Variants in LRRN3 observed in about 807,000 individuals in gnomAD.
The protein encoded by LRRN3 is leucine-rich repeat neuronal protein 3.
LRRN3 carries 15 observed loss-of-function variants against 40.1 expected under a neutral mutation model. The observed-to-expected ratio is 0.37, with a 90% CI of 0.25 to 0.58. The LOEUF (loss-of-function observed/expected upper bound fraction) is 0.58, where lower values mean the gene tolerates loss of function less well. LRRN3 is among the 20% of genes least tolerant of loss of function. LRRN3 has a pLI of 0.72. For synonymous variants in LRRN3, 308 were observed against 297.2 expected (o/e 1.04, Z -0.37); for missense variants, 746 against 837.7 (o/e 0.89, Z 1.35).
intron 1 of LRRN3, among the ~76,000 whole-genome samples, chr7:111,095,794 T>G (rs1236479526): frequency 1.3e-5 from 2 of 152,014 alleles, no homozygotes; most frequent in Admixed American, 6.6e-5. Context: ...ATGTGCCCTT[T>G]TTTTATATAC....
intron 2 of LRRN3, among the ~76,000 whole-genome samples, chr7:111,121,182 C>T (rs901141341): frequency 2.0e-5 from 3 of 152,144 alleles, no homozygotes; most frequent in Non-Finnish European, 2.9e-5. Flanking sequence ...ACATATCCTT[C>T]GCCCACTTTT....
rs1017906227 is a variant in LRRN3 at position 111,122,544 on chromosome 7, A to G, written c.-229A>G. The stretch of plus-strand genomic sequence containing the variant: ...CACCTTCAAAAAGTACATCAATATT[A>G]TATCATTAAGGAAATAGTAACCTTC... On this transcript the variant is annotated 5_prime_UTR_variant, in exon 3 of 3. Coordinates refer to ENST00000308478, the MANE Select transcript of LRRN3 (RefSeq NM_001099658.2). 5.8e-6 allele frequency: 3 copies of G among 518,596 alleles called. No homozygotes were observed. The highest frequency in any genetic ancestry group is 5.7e-5 in the South Asian group (2 of 35,322). The allele number at this position is 518,596 out of a possible 1,614,324, so 32.1% of individuals were successfully genotyped here. A position where few individuals can be genotyped will look rare whatever the true frequency, so the allele number is the denominator to read the frequency against.
chr7:111,091,596 C>T (rs1479037008), intron 1 of LRRN3, 92 bp downstream of exon 1: 1 of 152,178 alleles, frequency 6.6e-6, no homozygotes, highest in African/African-American at 2.4e-5. Flanking sequence ...CCTTTGATGT[C>T]TTCTTCTTGT....
chr7:111,111,801 C>T (rs1410179925), intron 2 of LRRN3, among the ~76,000 whole-genome samples: 1 of 151,634 alleles, frequency 6.6e-6, no homozygotes, highest in African/African-American at 2.4e-5. Context: ...AGTTAAGTGA[C>T]TGAACTCCAT....
intron 2 of LRRN3, among the ~76,000 whole-genome samples, chr7:111,104,346 G>A (rs1406058704): frequency 6.6e-6 from 1 of 151,716 alleles, no homozygotes; most frequent in Non-Finnish European, 1.5e-5. Context: ...TTATTGTAGA[G>A]AATGAAACAA....
Position 111,110,945 on chromosome 7 carries a change from T to C in LRRN3, c.-359+10983T>C, listed in dbSNP as rs189571146. On this transcript the variant is annotated intron_variant, in intron 2 of 2. Coordinates refer to ENST00000308478, the MANE Select transcript of LRRN3 (RefSeq NM_001099658.2). ...AATCTAACACTATTCATTTTATCCA[T>C]AAAAATGTATTAAATCCTAACCTGT... 6.0e-3 allele frequency among the ~76,000 whole-genome samples: 907 copies of C among 152,256 alleles called. 7 individuals carry two copies. Among genetic ancestry groups the C allele is most frequent in the Middle Eastern group, 0.027 (8 of 294 alleles).
Position 111,124,652 on chromosome 7 carries a change from C to T in LRRN3, c.1880C>T (p.Thr627Ile). 1 of 1,613,870 alleles carries T rather than the reference C, an allele frequency of 6.2e-7. No individual in the cohort carries two copies. Among genetic ancestry groups the T allele is most frequent in the Non-Finnish European group, 8.5e-7 (1 of 1,179,932 alleles). Reference sequence around the variant, plus strand: ...AAAGAGTATGAAAAGAATAATACCACAACACTTATGGCCTGTCTTGGAGGC... The same window carrying T: ...AAAGAGTATGAAAAGAATAATACCATAACACTTATGGCCTGTCTTGGAGGC... ...DQKEYEKNNT[T>I]TLMACLGGLL... The change falls in exon 3 of 3, where the codon ACA (threonine) becomes ATA (isoleucine). Residue 627 changes from threonine to isoleucine, a missense_variant. By Grantham distance (89) the Thr-to-Ile change is moderately conservative. Transcript: ENST00000308478.
At chr7:111,115,781 C>T (rs1799810693) in intron 2 of LRRN3, among the ~76,000 whole-genome samples, 1 of 152,080 alleles carries the variant, frequency 6.6e-6, no homozygotes, top group South Asian at 2.1e-4. Flanking sequence ...GATTCTCGTG[C>T]CTCAGCCTCC....
At chr7:111,094,073 T>C (rs1319173424) in intron 1 of LRRN3, among the ~76,000 whole-genome samples, 1 of 152,160 alleles carries the variant, frequency 6.6e-6, no homozygotes, top group Non-Finnish European at 1.5e-5. Flanking sequence ...TGTTTCTTTG[T>C]TCTTTCCTTT....
chr7:111,104,584 A>T (rs943618005), intron 2 of LRRN3, among the ~76,000 whole-genome samples: 3 of 149,380 alleles, frequency 2.0e-5, no homozygotes, highest in African/African-American at 7.6e-5. Flanking sequence ...AATCATGCTA[A>T]ATAACAGAAA....
Position 111,099,925 on chromosome 7 carries a change from C to T in LRRN3, c.-396C>T, listed in dbSNP as rs977515279. The T allele has an allele frequency of 6.6e-6, 1 of 151,458 alleles. No individual in the cohort carries two copies. Among genetic ancestry groups the T allele is most frequent in the African/African-American group, 2.4e-5 (1 of 41,304 alleles). 9.4% of individuals were successfully genotyped at this position (151,458 alleles called of 1,614,324 possible). ...AGAGAAAGAAGAGGAAGATGTTGGG[C>T]AACATTTATTTAACATGCTCCACAG... is the stretch of plus-strand genomic sequence containing the variant. On this transcript the variant is annotated 5_prime_UTR_variant, in exon 2 of 3. Coordinates refer to ENST00000308478, the MANE Select transcript of LRRN3 (RefSeq NM_001099658.2).
intron 1 of LRRN3, among the ~76,000 whole-genome samples, chr7:111,098,026 A>G (rs1797588242): frequency 6.6e-6 from 1 of 151,890 alleles, no homozygotes; most frequent in African/African-American, 2.4e-5. Flanking sequence ...GTGCAACAGA[A>G]CAGAATGGAA....
chr7:111,124,161 A>C lies in LRRN3; in HGVS notation c.1389A>C (p.Lys463Asn). ...EIYWITPSGQ[K>N]LLPNTLTDKF... ...ACTGGATAACACCTTCTGGTCAAAAACTCTTGCCTAATACCCTGACAGACA... is the reference window on the plus strand; with the variant it reads ...ACTGGATAACACCTTCTGGTCAAAACCTCTTGCCTAATACCCTGACAGACA... Residue 463 changes from lysine to asparagine, a missense_variant, in exon 3 of 3, where the codon AAA becomes AAC. Lys to Asn is a moderately conservative substitution (Grantham distance 94). Transcript: ENST00000308478. 6.2e-7 allele frequency: 1 copy of C among 1,613,396 alleles called. No individual in the cohort carries two copies. The highest frequency in any genetic ancestry group is 8.5e-7 in the Non-Finnish European group (1 of 1,179,874).
intron 2 of LRRN3, among the ~76,000 whole-genome samples, chr7:111,115,519 C>T (rs576428225): frequency 1.3e-5 from 2 of 152,094 alleles, no homozygotes; most frequent in South Asian, 4.1e-4. Context: ...TTCATCCCCC[C>T]CTCTGTAAAA....
intron 2 of LRRN3, among the ~76,000 whole-genome samples, chr7:111,120,120 C>A (rs1800409722): frequency 6.6e-6 from 1 of 152,066 alleles, no homozygotes; most frequent in Admixed American, 6.6e-5. Flanking sequence ...ATCAAATTTG[C>A]AACTTGGTGT....
At chr7:111,096,780 A>T (rs942552930) in intron 1 of LRRN3, among the ~76,000 whole-genome samples, 1 of 151,972 alleles carries the variant, frequency 6.6e-6, no homozygotes, top group African/African-American at 2.4e-5. Flanking sequence ...CTTCCTTAGC[A>T]TCTCCTTTCT....
At chr7:111,115,036 T>C (rs1199840374) in intron 2 of LRRN3, among the ~76,000 whole-genome samples, 1 of 152,134 alleles carries the variant, frequency 6.6e-6, no homozygotes, top group African/African-American at 2.4e-5. Context: ...AAGATGATTA[T>C]ACTTCAATCT....
chr7:111,123,095 C>A lies in LRRN3; in HGVS notation c.323C>A (p.Thr108Asn). ...TCTCAAAACAATTTATCTTCAGTCA[C>A]CAATATTAATGTAAAAAAGATGCCT... ...DLSQNNLSSVTNINVKKMPQL... is the reference protein window; with the variant it reads ...DLSQNNLSSVNNINVKKMPQL... Residue 108 changes from threonine to asparagine, a missense_variant, in exon 3 of 3, where the codon ACC becomes AAC. Thr to Asn is a moderately conservative substitution (Grantham distance 65, BLOSUM62 0). Coordinates refer to ENST00000308478, the MANE Select transcript of LRRN3 (RefSeq NM_001099658.2). The surrounding 1 kb of genome is among the most constrained non-coding windows in gnomAD (Gnocchi z 6.4). 1 of 1,613,612 alleles carries A rather than the reference C, an allele frequency of 6.2e-7. No homozygotes were observed. The highest frequency in any genetic ancestry group is 2.2e-5 in the East Asian group (1 of 44,810).
chr7:111,107,282 A>G (rs547565336), intron 2 of LRRN3, among the ~76,000 whole-genome samples: 1 of 152,024 alleles, frequency 6.6e-6, no homozygotes. Context: ...CTAATAATTT[A>G]AATTATATGG....
Sources: gnomAD v4.1 joint callset for allele counts (sites outside exome capture counted in the v4.1 genomes callset) on GRCh38, gnomAD v4.1.1 for gene constraint, Gnocchi (gnomAD v3.1) non-coding constraint, MANE v1.5 for transcripts, NCBI Gene and HGNC (gene_info 2026-07-23, HGNC 2026-07-21) for gene names.